ZNRF1: variants seen among roughly 807,000 people sequenced by gnomAD.
ZNRF1 encodes the protein E3 ubiquitin-protein ligase ZNRF1.
In ZNRF1, 3 loss-of-function variants were observed where a neutral mutation model predicts 18.4. The observed-to-expected ratio is 0.16, with a 90% CI of 0.07 to 0.42. The LOEUF is 0.42. ZNRF1 is among the 10% of genes least tolerant of loss of function. ZNRF1 has a pLI of 0.99. For synonymous variants in ZNRF1, 157 were observed against 144.2 expected, an observed-to-expected ratio of 1.09 and a Z score of -0.64; for missense variants, 310 against 329.8, an observed-to-expected ratio of 0.94 and a Z score of 0.47.
intron 1 of ZNRF1, among the ~76,000 whole-genome samples, chr16:75,045,151 G>C (rs557514566): frequency 6.6e-6 from 1 of 152,336 alleles, no homozygotes; most frequent in Non-Finnish European, 1.5e-5. Flanking sequence ...AGCACTTGAT[G>C]TGAGAGTTTT....
At chr16:75,051,676 C>T (rs2035607955) in intron 1 of ZNRF1, among the ~76,000 whole-genome samples, 1 of 152,132 alleles carries the variant, frequency 6.6e-6, no homozygotes, top group Non-Finnish European at 1.5e-5. Context: ...TGCCACCACG[C>T]CCAACTAATT....
intron 1 of ZNRF1, among the ~76,000 whole-genome samples, chr16:75,035,241 C>T (rs1227159779): frequency 6.6e-6 from 1 of 152,092 alleles, no homozygotes; most frequent in African/African-American, 2.4e-5. Flanking sequence ...GCCATGTTGC[C>T]TGGGCTGGTC....
chr16:75,099,687 C>T (rs2036234487), intron 2 of ZNRF1, among the ~76,000 whole-genome samples: 1 of 152,178 alleles, frequency 6.6e-6, no homozygotes, highest in African/African-American at 2.4e-5. Context: ...TCTCTAGGGG[C>T]CTGGAGATAC....
At chr16:75,064,983 G>C (rs940749318) in intron 1 of ZNRF1, among the ~76,000 whole-genome samples, 1 of 152,206 alleles carries the variant, frequency 6.6e-6, no homozygotes, top group Admixed American at 6.5e-5. Context: ...GGTCCTGCAG[G>C]AATGTAGAAT....
intron 1 of ZNRF1, among the ~76,000 whole-genome samples, chr16:75,040,805 A>G (rs1456040566): frequency 6.6e-6 from 1 of 151,282 alleles, no homozygotes; most frequent in Non-Finnish European, 1.5e-5. Context: ...ATGGGGTTTC[A>G]TCACGTTGGC....
chr16:75,043,790 C>CTTTTTATTTTT (rs781528802), intron 1 of ZNRF1, among the ~76,000 whole-genome samples: 9 of 75,190 alleles, frequency 1.2e-4, no homozygotes, highest in Admixed American at 2.0e-4. Flanking sequence ...TTGCTTTGTA[C>CTTTTTATTTTT]TTTTTTTTTT....
At chr16:75,075,473 G>A (rs2035928294) in intron 1 of ZNRF1, among the ~76,000 whole-genome samples, 1 of 152,258 alleles carries the variant, frequency 6.6e-6, no homozygotes, top group Non-Finnish European at 1.5e-5. Flanking sequence ...TGGTATGGCA[G>A]TTACTGGAAC....
At chr16:75,061,069 T>C (rs1349552839) in intron 1 of ZNRF1, among the ~76,000 whole-genome samples, 1 of 152,200 alleles carries the variant, frequency 6.6e-6, no homozygotes, top group Non-Finnish European at 1.5e-5. Flanking sequence ...CATGAGATGT[T>C]TTGATACAGG....
At chr16:75,023,195 C>T (rs2035176497) in intron 1 of ZNRF1, among the ~76,000 whole-genome samples, 1 of 152,136 alleles carries the variant, frequency 6.6e-6, no homozygotes, top group South Asian at 2.1e-4. Context: ...TTGGAAATTC[C>T]TTGTAATTAA....
chr16:75,065,208 G>A (rs943354375), intron 1 of ZNRF1, among the ~76,000 whole-genome samples: 1 of 152,220 alleles, frequency 6.6e-6, no homozygotes, highest in African/African-American at 2.4e-5. Context: ...AAGAAAGCCT[G>A]GGGGAGGCTG....
intron 1 of ZNRF1, among the ~76,000 whole-genome samples, chr16:75,024,788 T>G (rs907018955): frequency 1.3e-5 from 2 of 152,256 alleles, no homozygotes; most frequent in African/African-American, 4.8e-5. Context: ...AGCAAATCTT[T>G]TAAGAAACAA....
rs111259659 is a variant in ZNRF1, at chr16:75,056,625, C to CT, written c.425-36935dup. ...TCAAGGACTTGGTTCATGGAAAAAC[C>CT]TTTTTTTTTTTTATTCCTTTGAGAC... On this transcript the variant is annotated intron_variant, in intron 1 of 4. Transcript: ENST00000335325. Among the ~76,000 whole-genome samples, 431 of 144,924 alleles carry CT rather than the reference C, an allele frequency of 3.0e-3. 2 individuals are homozygous for CT. The highest frequency in any genetic ancestry group is 8.6e-3 in the African/African-American group (342 of 39,710).
chr16:75,062,530 C>T (rs891085662), intron 1 of ZNRF1, among the ~76,000 whole-genome samples: 1 of 152,256 alleles, frequency 6.6e-6, no homozygotes, highest in East Asian at 1.9e-4. Flanking sequence ...CGCATGCCCC[C>T]GAGCTCCCTT....
At chr16:75,105,352 C>T (rs547640734) in intron 3 of ZNRF1, 1 of 159,958 alleles carries the variant, frequency 6.3e-6, no homozygotes, top group South Asian at 1.7e-4. Context: ...CAGGAAGAGC[C>T]ATTTCCTGTG....
chr16:75,065,194 T>C (rs2035787705), intron 1 of ZNRF1, among the ~76,000 whole-genome samples: 1 of 152,176 alleles, frequency 6.6e-6, no homozygotes, highest in African/African-American at 2.4e-5. Context: ...AAAGCAAAAA[T>C]GATAAGAAAG....
intron 1 of ZNRF1, among the ~76,000 whole-genome samples, chr16:75,089,823 C>T (rs943898788): frequency 1.3e-5 from 2 of 152,130 alleles, no homozygotes; most frequent in African/African-American, 4.8e-5. Flanking sequence ...CTTCCTAGTA[C>T]CTTAGCTGTA....
intron 1 of ZNRF1, among the ~76,000 whole-genome samples, chr16:75,006,945 T>C (rs1213085818): frequency 1.3e-5 from 2 of 152,168 alleles, no homozygotes; most frequent in Non-Finnish European, 2.9e-5. Context: ...AATCCAGCAG[T>C]TGGGTTTCTG....
chr16:75,059,289 C>G (rs1435392616), intron 1 of ZNRF1, among the ~76,000 whole-genome samples: 2 of 139,586 alleles, frequency 1.4e-5, no homozygotes, highest in African/African-American at 2.7e-5. Context: ...ACTCTGTCCC[C>G]CAGGCTGGAG....
At chr16:75,009,143 T>G (rs1020646202) in intron 1 of ZNRF1, among the ~76,000 whole-genome samples, 1 of 152,224 alleles carries the variant, frequency 6.6e-6, no homozygotes, top group Non-Finnish European at 1.5e-5. Context: ...CTCTGTAAAA[T>G]TTATCCCAAG....
Sources: allele counts gnomAD v4.1 joint callset (sites outside exome capture counted in the v4.1 genomes callset), GRCh38; gene constraint gnomAD v4.1.1; transcripts MANE v1.5; gene names NCBI Gene and HGNC (gene_info 2026-07-23, HGNC 2026-07-21).